NOC2L: variants seen among roughly 807,000 people sequenced by gnomAD.
The protein encoded by NOC2L is NOC2 like nucleolar associated transcriptional repressor.
NOC2L carries 101 observed loss-of-function variants against 94.2 expected under a neutral mutation model. The observed-to-expected ratio is 1.07, with a 90% CI of 0.91 to 1.26. The LOEUF is 1.26. Among genes scored for constraint, NOC2L ranks in the 50% most tolerant of loss-of-function variants. The pLI, the probability that NOC2L is intolerant of heterozygous loss-of-function variation, is 0.00. For synonymous variants in NOC2L, 531 were observed against 413.4 expected, an observed-to-expected ratio of 1.28 and a Z score of -3.45; for missense variants, 1,076 against 980.1, an observed-to-expected ratio of 1.10 and a Z score of -1.31.
chr1:948,618 G>A lies in NOC2L; in HGVS notation c.1444-15C>T, dbSNP rs369566860. On this transcript the variant is annotated splice_polypyrimidine_tract_variant and intron_variant, in intron 12 of 18. Coordinates refer to ENST00000327044, the MANE Select transcript of NOC2L (RefSeq NM_015658.4). ...TGCTGGAACATCTGCCCCAAGGGCCGTGTCAGGCTCTCTCGGCCCCATGCC... is the reference window on the plus strand; with the variant it reads ...TGCTGGAACATCTGCCCCAAGGGCCATGTCAGGCTCTCTCGGCCCCATGCC... The A allele has an allele frequency of 8.5e-5, 99 of 1,162,960 alleles. 1 individual carries two copies. The highest frequency in any genetic ancestry group is 5.8e-4 in the South Asian group (38 of 65,488). 72.0% of individuals were successfully genotyped at this position (1,162,960 alleles called of 1,614,324 possible). A position where few individuals can be genotyped will look rare whatever the true frequency, so the allele number is the denominator to read the frequency against.
intron 11 of NOC2L, 146 bp from the exon 12 acceptor site, chr1:951,384 CCCTTGCCCAGCTATGGGGCTGCAGGTA>C: frequency 1.5e-6 from 1 of 652,154 alleles, no homozygotes; most frequent in Non-Finnish European, 2.7e-6. Flanking sequence ...GGACCTGCAC[CCCTTGCCCAGCTATGGGGCTGCAGGTA>C]CCTTACCCAG....
intron 16 of NOC2L, 60 bp downstream of exon 16, chr1:946,113 C>T (rs1302996637): frequency 1.3e-5 from 16 of 1,247,432 alleles, no homozygotes; most frequent in African/African-American, 1.0e-4. Flanking sequence ...AGTCATAGTG[C>T]GCTAGATCTG....
intron 12 of NOC2L, among the ~76,000 whole-genome samples, chr1:950,694 G>A (rs553390934): frequency 6.6e-6 from 1 of 152,150 alleles, no homozygotes; most frequent in Admixed American, 6.5e-5. Flanking sequence ...CATGCACCCA[G>A]ATGGTGCACA....
At chr1:946,118 G>C (rs1055999602) in intron 16 of NOC2L, 55 bp downstream of exon 16, 1 of 1,309,088 alleles carries the variant, frequency 7.6e-7, no homozygotes, top group Non-Finnish European at 1.1e-6. Context: ...TAGTGCGCTA[G>C]ATCTGAAACC....
rs749000880 is a variant in NOC2L at position 953,898 on chromosome 1, G to A, written c.778-6C>T. 6.2e-7 allele frequency: 1 copy of A among 1,612,660 alleles called. No individual in the cohort carries two copies. Among genetic ancestry groups the A allele is most frequent in the Non-Finnish European group, 8.5e-7 (1 of 1,179,522 alleles). The stretch of plus-strand genomic sequence containing the variant: ...TCCGACAGACAGGACACCAGCTGGG[G>A]GCAGGAGGGGACAGTGAAGCCCCAA... On this transcript the variant is annotated splice_polypyrimidine_tract_variant and splice_region_variant and intron_variant, in intron 7 of 18. Transcript: ENST00000327044.
chr1:947,478 G>A (rs1642144968), intron 14 of NOC2L, among the ~76,000 whole-genome samples: 1 of 152,218 alleles, frequency 6.6e-6, no homozygotes, highest in African/African-American at 2.4e-5. Flanking sequence ...CCTATAGTCG[G>A]CACATCTGAT....
intron 8 of NOC2L, 46 bp downstream of exon 8, chr1:953,736 C>T: frequency 1.4e-6 from 2 of 1,403,764 alleles, no homozygotes; most frequent in Non-Finnish European, 2.0e-6. Context: ...AGCCGTGTGG[C>T]CCCCCGACCC....
chr1:953,767 G>T lies in NOC2L; in HGVS notation c.888+15C>A, dbSNP rs1378134035. 3.8e-6 allele frequency: 6 copies of T among 1,587,338 alleles called. No homozygotes were observed. The African/African-American group carries it at 6.7e-5, about 18-fold the overall frequency. ...GACCCCATGACAGACACAGGGAGGG[G>T]ACTGGGCCACGAACCTTGAGCAGCA... On this transcript the variant is annotated intron_variant, in intron 8 of 18. Coordinates refer to ENST00000327044, the MANE Select transcript of NOC2L (RefSeq NM_015658.4).
At chr1:945,428 G>T in intron 17 of NOC2L, 90 bp downstream of exon 17, 1 of 1,479,496 alleles carries the variant, frequency 6.8e-7, no homozygotes, top group Non-Finnish European at 9.2e-7. Context: ...GCCCCCTGCA[G>T]GATGGGTACA....
In NOC2L at chr1:946,391, G is replaced by C; in HGVS notation, c.1803+11C>G. The C allele has an allele frequency of 1.2e-6, 2 of 1,613,528 alleles. No homozygotes were observed. The highest frequency in any genetic ancestry group is 1.7e-6 in the Non-Finnish European group (2 of 1,179,990). ...TGCCCTCAGGTGGCACTACCCCCAG[G>C]GCCCACTAACCACTGCCTGCTGCTC... On this transcript the variant is annotated intron_variant, in intron 15 of 18. Transcript: ENST00000327044.
chr1:947,289 G>A (rs981943413), intron 14 of NOC2L, among the ~76,000 whole-genome samples: 2 of 152,212 alleles, frequency 1.3e-5, no homozygotes, highest in Non-Finnish European at 2.9e-5. Context: ...AGAGGACATG[G>A]GAGGAACAGA....
intron 12 of NOC2L, among the ~76,000 whole-genome samples, chr1:949,650 G>A (rs1045950814): frequency 3.3e-5 from 5 of 152,214 alleles, no homozygotes; most frequent in Non-Finnish European, 5.9e-5. Context: ...AAGAAAGCAC[G>A]TAGCCAAGGA....
rs1557622531 is a variant in NOC2L, at chr1:956,080, T to C, written c.607+15A>G. 1 of 1,613,428 alleles carries C rather than the reference T, an allele frequency of 6.2e-7. No homozygotes were observed. The highest frequency in any genetic ancestry group is 8.5e-7 in the Non-Finnish European group (1 of 1,179,884). ...GCAACAGACAGCCTGGATGCCAGGCTCCCCCCAAGCTCACCAGCACTGTCC... is the reference window on the plus strand; with the variant it reads ...GCAACAGACAGCCTGGATGCCAGGCCCCCCCCAAGCTCACCAGCACTGTCC... On this transcript the variant is annotated intron_variant, in intron 5 of 18. Coordinates refer to ENST00000327044, the MANE Select transcript of NOC2L (RefSeq NM_015658.4).
rs1487314362 is a variant in NOC2L, at chr1:952,507, G to A, written c.1096C>T (p.Leu366=). 5 of 1,613,788 alleles carry A rather than the reference G, an allele frequency of 3.1e-6. No individual in the cohort carries two copies. Among genetic ancestry groups the A allele is most frequent in the Non-Finnish European group, 4.2e-6 (5 of 1,180,030 alleles). ...SFMQWTLTEL[L]ALEPGVAYQH... is the part of the protein sequence containing the mutation. The stretch of plus-strand genomic sequence containing the variant: ...TAGGCCACACCCGGCTCCAGGGCCA[G>A]CAGCTCCGTCAAGGTCCACTGCATG... The change falls in exon 10 of 19, where the codon CTG becomes TTG. Residue 366 remains leucine (L), a synonymous_variant. Transcript: ENST00000327044.
At position 945,288 on chromosome 1, in the gene NOC2L, G is replaced by T. The variant is rs575257459; in HGVS notation, c.2054-142C>A. The T allele has an allele frequency of 4.6e-4, 515 of 1,130,158 alleles. 7 individuals are homozygous for T. In the South Asian group the frequency reaches 7.8e-3, roughly 17 times the overall value. 70.0% of individuals were successfully genotyped at this position (1,130,158 alleles called of 1,614,324 possible). On this transcript the variant is annotated intron_variant, in intron 17 of 18. Coordinates refer to ENST00000327044, the MANE Select transcript of NOC2L (RefSeq NM_015658.4). ...GCAGGTGGAGAGGAGCCCTGGGGAG[G>T]AACTGGGAGGTCACAGGCCTGGGGA... is the stretch of plus-strand genomic sequence containing the variant.
chr1:951,296 C>T, intron 11 of NOC2L, 58 bp from the exon 12 acceptor site: 2 of 1,326,118 alleles, frequency 1.5e-6, no homozygotes, highest in Non-Finnish European at 2.1e-6. Flanking sequence ...CCTGCCCCTC[C>T]CCCTGCTGTC....
At chr1:950,550 CAT>C (rs1228682024) in intron 12 of NOC2L, among the ~76,000 whole-genome samples, 4 of 152,162 alleles carry the variant, frequency 2.6e-5, no homozygotes, top group Admixed American at 1.3e-4. Context: ...AAGGTACACA[CAT>C]GCATACACAC....
intron 12 of NOC2L, among the ~76,000 whole-genome samples, chr1:950,768 C>A (rs527628130): frequency 3.3e-5 from 5 of 152,324 alleles, no homozygotes; most frequent in African/African-American, 1.2e-4. Context: ...CATACAAATG[C>A]ATACACATGC....
At position 945,037 on chromosome 1, in the gene NOC2L, C is replaced by G; in HGVS notation, c.2143+20G>C. 2 of 1,614,118 alleles carry G rather than the reference C, an allele frequency of 1.2e-6. No individual in the cohort carries two copies. The highest frequency in any genetic ancestry group is 1.7e-6 in the Non-Finnish European group (2 of 1,179,952). On this transcript the variant is annotated intron_variant, in intron 18 of 18. Transcript: ENST00000327044. ...AGATGGGCTCACAGGGCCACACCCT[C>G]TCACCCCAAGACCATTCACCCTCCG...
Sources: gnomAD v4.1 joint callset for allele counts (sites outside exome capture counted in the v4.1 genomes callset) on GRCh38, gnomAD v4.1.1 for gene constraint, MANE v1.5 for transcripts, NCBI Gene and HGNC (gene_info 2026-07-23, HGNC 2026-07-21) for gene names.